RIMBP2: variants seen among roughly 807,000 people sequenced by gnomAD.
RIMBP2 encodes RIMS binding protein 2.
In RIMBP2, 48 loss-of-function variants were observed where a neutral mutation model predicts 118.6. That is an observed-to-expected ratio of 0.40 (90% CI 0.32 to 0.51). RIMBP2 has a LOEUF of 0.51. Ranked by LOEUF, RIMBP2 falls within the 20% of genes least tolerant of loss-of-function variation. The pLI is 0.41. For synonymous variants in RIMBP2, 762 were observed against 742.9 expected (o/e 1.03, Z -0.42); for missense variants, 1,551 against 1,768.3 (o/e 0.88, Z 2.20).
rs191188133 is a variant in RIMBP2 at position 130,455,479 on chromosome 12, C to T, written c.358+1017G>A. ...GAGTGCCTGGAGATGAGCGGCAGAG[C>T]GCTCGGACCCTGGTCCCTGCCTGCT... On this transcript the variant is annotated intron_variant, in intron 7 of 22. Coordinates refer to ENST00000690449, the MANE Select transcript of RIMBP2 (RefSeq NM_001393629.1). Among the ~76,000 whole-genome samples, 1,083 of 152,304 alleles carry T rather than the reference C, an allele frequency of 7.1e-3. 18 individuals carry two copies. The highest frequency in any genetic ancestry group is 0.025 in the African/African-American group (1,031 of 41,572).
chr12:130,494,777 TG>T (rs1303890426), intron 4 of RIMBP2, among the ~76,000 whole-genome samples: 17 of 152,216 alleles, frequency 1.1e-4, no homozygotes, highest in African/African-American at 4.1e-4. Context: ...CCAGAGCACT[TG>T]GCCTTATGTG....
intron 2 of RIMBP2, among the ~76,000 whole-genome samples, chr12:130,535,758 TATATATATATATATATATATATATAC>T (rs2054006271): frequency 1.6e-5 from 1 of 63,332 alleles, no homozygotes. Context: ...TATATATATA[TATATATATATATATATATATATATAC>T]ACATATTTTT....
chr12:130,615,639 AC>A (rs1348685641), intron 2 of RIMBP2, among the ~76,000 whole-genome samples: 2 of 150,696 alleles, frequency 1.3e-5, no homozygotes, highest in South Asian at 2.1e-4. Context: ...AAACCAACAA[AC>A]CCCCCAAGGC....
At chr12:130,573,392 G>A (rs570588118) in intron 2 of RIMBP2, among the ~76,000 whole-genome samples, 72 of 100,204 alleles carry the variant, frequency 7.2e-4, no homozygotes, top group African/African-American at 2.3e-3. Context: ...AAGTGTTCGC[G>A]CGTGTGTGTG....
intron 1 of RIMBP2, among the ~76,000 whole-genome samples, chr12:130,650,977 G>GAAAGA (rs540076840): frequency 8.1e-6 from 1 of 123,940 alleles, no homozygotes. Flanking sequence ...AAAAAAAAAA[G>GAAAGA]AAAGAAAAGA....
chr12:130,451,059 G>A (rs930222974), intron 8 of RIMBP2, 136 bp downstream of exon 8: 4 of 1,037,524 alleles, frequency 3.9e-6, no homozygotes, highest in African/African-American at 3.2e-5. Flanking sequence ...GGAATTAACA[G>A]GGGCAAAGGG....
intron 17 of RIMBP2, among the ~76,000 whole-genome samples, chr12:130,415,881 A>ATC (rs2076069498): frequency 6.6e-6 from 1 of 152,236 alleles, no homozygotes; most frequent in African/African-American, 2.4e-5. Flanking sequence ...CAATGTATAA[A>ATC]AATCAGTAGC....
At chr12:130,400,016 T>G (rs1176513996) in intron 21 of RIMBP2, among the ~76,000 whole-genome samples, 1 of 152,036 alleles carries the variant, frequency 6.6e-6, no homozygotes, top group Non-Finnish European at 1.5e-5. Flanking sequence ...TTTCCTGGGG[T>G]CTTGATTTCT....
At position 130,396,538 on chromosome 12, in the gene RIMBP2, A is replaced by T. The variant is rs1489889127; in HGVS notation, c.*823T>A. ...CTGGTTTTGGTGTGGCTTATGCATT[A>T]TGTGGATTACTTGTGTGCCATTCAT... On this transcript the variant is annotated 3_prime_UTR_variant, in exon 23 of 23. Transcript: ENST00000690449. 6.6e-6 allele frequency: 1 copy of T among 152,658 alleles called. No individual in the cohort carries two copies. The highest frequency in any genetic ancestry group is 2.4e-5 in the African/African-American group (1 of 41,460). The allele number at this position is 152,658 out of a possible 1,614,324, so 9.5% of individuals were successfully genotyped here. A position where few individuals can be genotyped will look rare whatever the true frequency, so the allele number is the denominator to read the frequency against.
intron 2 of RIMBP2, among the ~76,000 whole-genome samples, chr12:130,555,755 A>C (rs2056286166): frequency 6.6e-6 from 1 of 152,248 alleles, no homozygotes; most frequent in African/African-American, 2.4e-5. Context: ...CAGCTAAAAC[A>C]CGAAACTGCT....
chr12:130,678,114 C>T (rs1341734400), intron 1 of RIMBP2, among the ~76,000 whole-genome samples: 1 of 152,202 alleles, frequency 6.6e-6, no homozygotes, highest in Non-Finnish European at 1.5e-5. Context: ...GAAGTCCCTC[C>T]CACAAACAAA....
At position 130,690,206 on chromosome 12, in the gene RIMBP2, G is replaced by A. The variant is rs115456260; in HGVS notation, c.-352+26016C>T. 3.5e-3 allele frequency among the ~76,000 whole-genome samples: 533 copies of A among 152,324 alleles called. 5 individuals are homozygous for A. Among genetic ancestry groups the A allele is most frequent in the African/African-American group, 0.012 (513 of 41,568 alleles). ...TTGTGCAGGCTCCAGGGATTAGGCT[G>A]GGTTCTCCCAGGCGGCCTCCCTTTC... On this transcript the variant is annotated intron_variant, in intron 1 of 22. Coordinates refer to ENST00000690449, the MANE Select transcript of RIMBP2 (RefSeq NM_001393629.1).
chr12:130,417,526 G>T (rs2076171108), intron 17 of RIMBP2, among the ~76,000 whole-genome samples: 2 of 152,054 alleles, frequency 1.3e-5, no homozygotes, highest in South Asian at 4.2e-4. Flanking sequence ...CTAAACATTG[G>T]GTCCACATAG....
chr12:130,702,718 A>C (rs2065918901), intron 1 of RIMBP2, among the ~76,000 whole-genome samples: 1 of 152,138 alleles, frequency 6.6e-6, no homozygotes, highest in African/African-American at 2.4e-5. Context: ...TCTTTTAGTA[A>C]GAACCATGGC....
chr12:130,518,247 C>T lies in RIMBP2; in HGVS notation c.-216-330G>A, dbSNP rs146304269. Among the ~76,000 whole-genome samples the T allele has an allele frequency of 4.4e-3, 672 of 152,234 alleles. 6 individuals carry two copies. Among genetic ancestry groups the T allele is most frequent in the African/African-American group, 0.015 (611 of 41,542 alleles). Reference sequence around the variant, plus strand: ...ATAAGCTTTGACCCATCCTTTTTCCCGTGAACACTGCTCCAAACATACAGC... The same window carrying T: ...ATAAGCTTTGACCCATCCTTTTTCCTGTGAACACTGCTCCAAACATACAGC... On this transcript the variant is annotated intron_variant, in intron 2 of 22. Coordinates refer to ENST00000690449, the MANE Select transcript of RIMBP2 (RefSeq NM_001393629.1).
At chr12:130,711,729 C>T (rs1432287024) in intron 1 of RIMBP2, among the ~76,000 whole-genome samples, 3 of 152,216 alleles carry the variant, frequency 2.0e-5, no homozygotes, top group Admixed American at 6.5e-5. Context: ...ACCCCACAAA[C>T]CCTAGTACAG....
At chr12:130,609,740 G>A (rs555684216) in intron 2 of RIMBP2, among the ~76,000 whole-genome samples, 51 of 152,260 alleles carry the variant, frequency 3.3e-4, no homozygotes, top group African/African-American at 1.2e-3. Context: ...CAACGGTATC[G>A]CTCCCAGCCC....
intron 1 of RIMBP2, among the ~76,000 whole-genome samples, chr12:130,659,778 G>A (rs1177558153): frequency 6.6e-6 from 1 of 151,624 alleles, no homozygotes; most frequent in East Asian, 2.0e-4. Flanking sequence ...TTAGATACCA[G>A]CCTGGCCAAC....
intron 3 of RIMBP2, 27 bp downstream of exon 3, chr12:130,517,801 T>C: frequency 1.1e-6 from 1 of 951,720 alleles, no homozygotes; most frequent in Non-Finnish European, 1.3e-6. Context: ...GGGCCCCAGA[T>C]GGTCTGTGGA....
Sources: gnomAD v4.1 joint callset for allele counts (sites outside exome capture counted in the v4.1 genomes callset) on GRCh38, gnomAD v4.1.1 for gene constraint, MANE v1.5 for transcripts, NCBI Gene and HGNC (gene_info 2026-07-23, HGNC 2026-07-21) for gene names.